HMGCLL1: variants seen among roughly 807,000 people sequenced by gnomAD.
The protein encoded by HMGCLL1 is 3-hydroxy-3-methylglutaryl-CoA lyase like 1.
A neutral mutation model predicts 39.1 loss-of-function variants in HMGCLL1; 36 were observed. The ratio of observed to expected loss-of-function variants is 0.92; its 90% CI spans 0.71 to 1.22. The LOEUF (loss-of-function observed/expected upper bound fraction) is 1.22. Ranked by LOEUF, HMGCLL1 falls within the 50% of genes most tolerant of loss-of-function variation. HMGCLL1 has a pLI of 0.00. For synonymous variants in HMGCLL1, 149 were observed against 144.0 expected, an observed-to-expected ratio of 1.03 and a Z score of -0.25; for missense variants, 451 against 416.5, an observed-to-expected ratio of 1.08 and a Z score of -0.72.
intron 4 of HMGCLL1, among the ~76,000 whole-genome samples, chr6:55,515,394 A>T (rs948059645): frequency 1.3e-5 from 2 of 152,184 alleles, no homozygotes; most frequent in African/African-American, 4.8e-5. Context: ...CTATTAGTGA[A>T]CATCTACTAT....
At chr6:55,533,193 TAG>T (rs1208616639) in intron 3 of HMGCLL1, among the ~76,000 whole-genome samples, 1 of 151,808 alleles carries the variant, frequency 6.6e-6, no homozygotes. Flanking sequence ...TGCCACATTA[TAG>T]AGTGTCTAGG....
At chr6:55,562,772 G>A (rs989683770) in intron 1 of HMGCLL1, among the ~76,000 whole-genome samples, 1 of 152,080 alleles carries the variant, frequency 6.6e-6, no homozygotes, top group Non-Finnish European at 1.5e-5. Context: ...ATAGTGGAGA[G>A]TCTACCTTAT....
the HMGCLL1 span, among the ~76,000 whole-genome samples, chr6:55,676,647 G>C: frequency 6.6e-6 from 1 of 152,176 alleles, no homozygotes; most frequent in African/African-American, 2.4e-5. Flanking sequence ...TACAGTATCT[G>C]AAATCTCCAA....
At chr6:55,449,920 A>G (rs1188634840) in intron 7 of HMGCLL1, among the ~76,000 whole-genome samples, 2 of 150,492 alleles carry the variant, frequency 1.3e-5, no homozygotes, top group Non-Finnish European at 3.0e-5. Context: ...TATTGCTACT[A>G]TTTTTTTTTT....
At chr6:55,597,066 T>C in the HMGCLL1 span, among the ~76,000 whole-genome samples, 1 of 123,122 alleles carries the variant, frequency 8.1e-6, no homozygotes, top group Non-Finnish European at 1.8e-5. Flanking sequence ...ACCAAATATG[T>C]GTATCATTCG....
intron 5 of HMGCLL1, among the ~76,000 whole-genome samples, chr6:55,506,797 A>C (rs1435840982): frequency 6.6e-6 from 1 of 151,466 alleles, no homozygotes. Context: ...GAATCTGCAA[A>C]GTGCTTCCTT....
intron 1 of HMGCLL1, chr6:55,577,018 T>TC: frequency 6.2e-7 from 1 of 1,606,734 alleles, no homozygotes; most frequent in East Asian, 2.2e-5. Context: ...TGAGTGTAGA[T>TC]TGTCACTCAA....
At chr6:55,601,638 C>T in the HMGCLL1 span, among the ~76,000 whole-genome samples, 1 of 152,058 alleles carries the variant, frequency 6.6e-6, no homozygotes, top group African/African-American at 2.4e-5. Flanking sequence ...CACAAGGATT[C>T]AAGCTGTTTA....
At chr6:55,493,645 A>T (rs1766427942) in intron 7 of HMGCLL1, among the ~76,000 whole-genome samples, 1 of 152,062 alleles carries the variant, frequency 6.6e-6, no homozygotes, top group African/African-American at 2.4e-5. Flanking sequence ...AGCTTAAAAC[A>T]TTCTTTTCAC....
At chr6:55,480,241 T>G (rs1338083541) in intron 7 of HMGCLL1, among the ~76,000 whole-genome samples, 1 of 151,606 alleles carries the variant, frequency 6.6e-6, no homozygotes, top group Non-Finnish European at 1.5e-5. Flanking sequence ...CAGGGATTAA[T>G]AACCCGAATA....
At chr6:55,505,575 C>T (rs1767113861) in intron 5 of HMGCLL1, among the ~76,000 whole-genome samples, 1 of 151,536 alleles carries the variant, frequency 6.6e-6, no homozygotes, top group African/African-American at 2.4e-5. Flanking sequence ...AGTAATTCTG[C>T]TAAGATTCAA....
At chr6:55,505,888 T>C (rs913279224) in intron 5 of HMGCLL1, among the ~76,000 whole-genome samples, 2 of 151,760 alleles carry the variant, frequency 1.3e-5, no homozygotes, top group African/African-American at 4.8e-5. Context: ...CAATTCATCC[T>C]TGGAAAAGTT....
intron 7 of HMGCLL1, among the ~76,000 whole-genome samples, chr6:55,470,852 A>C (rs1765014642): frequency 6.6e-6 from 1 of 151,650 alleles, no homozygotes; most frequent in Non-Finnish European, 1.5e-5. Flanking sequence ...GGAACTGCCA[A>C]ACACTTTTAA....
At chr6:55,531,505 T>C (rs1304335535) in intron 3 of HMGCLL1, among the ~76,000 whole-genome samples, 3 of 152,190 alleles carry the variant, frequency 2.0e-5, no homozygotes, top group African/African-American at 7.2e-5. Context: ...GAAAGGTTTT[T>C]TTCTCTTTCT....
intron 3 of HMGCLL1, among the ~76,000 whole-genome samples, chr6:55,537,478 A>T (rs1043338993): frequency 2.0e-5 from 3 of 152,188 alleles, no homozygotes; most frequent in Admixed American, 6.5e-5. Flanking sequence ...ACATACTTTA[A>T]TCTTCAGAAT....
At chr6:55,638,844 A>G in the HMGCLL1 span, among the ~76,000 whole-genome samples, 1 of 152,172 alleles carries the variant, frequency 6.6e-6, no homozygotes, top group African/African-American at 2.4e-5. Flanking sequence ...AAGATAAATA[A>G]AAAATGGAAA....
intron 5 of HMGCLL1, among the ~76,000 whole-genome samples, chr6:55,511,886 G>T (rs1767482168): frequency 6.6e-6 from 1 of 152,014 alleles, no homozygotes; most frequent in Non-Finnish European, 1.5e-5. Flanking sequence ...GTACTCCAAA[G>T]GAACAAAATC....
At chr6:55,441,391 G>A (rs578243788) in intron 7 of HMGCLL1, among the ~76,000 whole-genome samples, 1 of 152,108 alleles carries the variant, frequency 6.6e-6, no homozygotes, top group African/African-American at 2.4e-5. Context: ...ATGAAGAGGT[G>A]GGCTTAGGAG....
chr6:55,663,349 A>G, the HMGCLL1 span, among the ~76,000 whole-genome samples: 1 of 151,014 alleles, frequency 6.6e-6, no homozygotes, highest in African/African-American at 2.4e-5. Context: ...CTTAACACTG[A>G]TTTAGCTGTG....
Sources: allele counts gnomAD v4.1 joint callset (sites outside exome capture counted in the v4.1 genomes callset), GRCh38; gene constraint gnomAD v4.1.1; transcripts MANE v1.5; gene names NCBI Gene and HGNC (gene_info 2026-07-23, HGNC 2026-07-21).